The following NUP160 variants were observed in gnomAD, a reference collection of about 807,000 sequenced individuals.
NUP160 encodes the protein nucleoporin 160, also known as nuclear pore complex protein Nup160.
Under a neutral mutation model 196.9 loss-of-function variants are expected in NUP160, and 94 were observed. The ratio of observed to expected loss-of-function variants is 0.48; its 90% CI spans 0.40 to 0.57. The LOEUF is 0.57. Among genes scored for constraint, NUP160 ranks in the 20% least tolerant of loss-of-function variants. NUP160 has a pLI of 0.00. For synonymous variants in NUP160, 605 were observed against 619.7 expected (o/e 0.98, Z 0.35); for missense variants, 1,638 against 1,748.3 (o/e 0.94, Z 1.13).
At chr11:47,786,187 TG>T (rs1255538205) in intron 32 of NUP160, among the ~76,000 whole-genome samples, 2 of 152,152 alleles carry the variant, frequency 1.3e-5, no homozygotes, top group Non-Finnish European at 2.9e-5. Context: ...GATTTTTGCC[TG>T]TAAGAGTACC....
intron 2 of NUP160, chr11:47,841,548 T>C (rs1232918692): frequency 4.7e-6 from 2 of 424,296 alleles, no homozygotes; most frequent in East Asian, 6.2e-5. Context: ...GCTGAAAAAC[T>C]GCAGCAGCAA....
chr11:47,821,612 G>C (rs982642913), intron 9 of NUP160, 112 bp downstream of exon 9: 1 of 733,568 alleles, frequency 1.4e-6, no homozygotes, highest in Admixed American at 2.4e-5. Context: ...TGCCTGCCTC[G>C]GCCTCTCAAA....
At chr11:47,810,862 G>A (rs1485288278) in intron 17 of NUP160, among the ~76,000 whole-genome samples, 1 of 151,952 alleles carries the variant, frequency 6.6e-6, no homozygotes, top group South Asian at 2.1e-4. Context: ...AATACATTCT[G>A]ACTTAAAATG....
chr11:47,804,509 TA>T, intron 21 of NUP160, 39 bp downstream of exon 21: 1 of 1,340,824 alleles, frequency 7.5e-7, no homozygotes, highest in South Asian at 1.4e-5. Flanking sequence ...TCCCATGCTT[TA>T]CAAGAATGTG....
chr11:47,796,841 C>T (rs558416008), intron 27 of NUP160, among the ~76,000 whole-genome samples: 9 of 152,222 alleles, frequency 5.9e-5, no homozygotes, highest in East Asian at 1.9e-4. Flanking sequence ...TACAGGCATC[C>T]GCCACCATGC....
chr11:47,817,325 G>T (rs984351392), intron 11 of NUP160, among the ~76,000 whole-genome samples: 1 of 149,748 alleles, frequency 6.7e-6, no homozygotes, highest in African/African-American at 2.5e-5. Flanking sequence ...CTTATACAAT[G>T]AATTTGAAGC....
At chr11:47,838,015 G>C (rs1055157445) in intron 4 of NUP160, among the ~76,000 whole-genome samples, 64 of 152,174 alleles carry the variant, frequency 4.2e-4, no homozygotes, top group African/African-American at 1.5e-3. Flanking sequence ...ATATTCCTTT[G>C]GGGGAAGGGG....
At chr11:47,830,312 A>G (rs1376605900) in intron 7 of NUP160, among the ~76,000 whole-genome samples, 1 of 152,202 alleles carries the variant, frequency 6.6e-6, no homozygotes, top group Non-Finnish European at 1.5e-5. Flanking sequence ...TGATTCCTCT[A>G]AGAACTAAAA....
chr11:47,826,366 T>G (rs910313381), intron 7 of NUP160, among the ~76,000 whole-genome samples: 1 of 152,200 alleles, frequency 6.6e-6, no homozygotes. Context: ...GTCAAAAAAG[T>G]TATTCTGATT....
At chr11:47,836,121 G>A (rs1852168784) in intron 6 of NUP160, among the ~76,000 whole-genome samples, 1 of 152,160 alleles carries the variant, frequency 6.6e-6, no homozygotes, top group Non-Finnish European at 1.5e-5. Context: ...AGTGGTGCAT[G>A]CCTGTTATCC....
intron 8 of NUP160, 95 bp downstream of exon 8, chr11:47,821,992 C>A (rs1227980584): frequency 2.0e-6 from 2 of 998,542 alleles, no homozygotes; most frequent in Admixed American, 2.2e-5. Flanking sequence ...GAAATAATTC[C>A]ATTTTAAGAC....
chr11:47,847,828 T>C lies in NUP160; in HGVS notation c.314+20A>G, dbSNP rs2135409203. ...CCAAACCCTACCTTCCAGGGGAGTTTGGCGAACCACAACACTTACCAATGA... is the reference window on the plus strand; with the variant it reads ...CCAAACCCTACCTTCCAGGGGAGTTCGGCGAACCACAACACTTACCAATGA... On this transcript the variant is annotated intron_variant, in intron 2 of 35. Transcript: ENST00000378460. 6.4e-7 allele frequency: 1 copy of C among 1,571,050 alleles called. No homozygotes were observed. Among genetic ancestry groups the C allele is most frequent in the Non-Finnish European group, 8.8e-7 (1 of 1,140,570 alleles).
At chr11:47,779,707 T>C (rs370089918) in intron 35 of NUP160, 1 of 417,004 alleles carries the variant, frequency 2.4e-6, no homozygotes, top group South Asian at 1.9e-5. Context: ...AGGACAGTGA[T>C]AATTTATCAC....
chr11:47,831,963 G>A (rs571558172), intron 7 of NUP160, among the ~76,000 whole-genome samples: 416 of 124,980 alleles, frequency 3.3e-3, no homozygotes, highest in Middle Eastern at 0.027. Flanking sequence ...GTGCAGTGGT[G>A]CAATCTCTGC....
Position 47,825,748 on chromosome 11 carries a change from T to C in NUP160, c.1102-3584A>G, listed in dbSNP as rs535740518. ...GATTACAGGCATGAGCCATACAGCC[T>C]AATTTTTGTATTTTTAGTAGAGACA... On this transcript the variant is annotated intron_variant, in intron 7 of 35. Transcript: ENST00000378460. Among the ~76,000 whole-genome samples the C allele has an allele frequency of 5.3e-5, 8 of 152,056 alleles. No homozygotes were observed. In the South Asian group the frequency reaches 1.7e-3, roughly 32 times the overall value.
rs200023690 is a variant in NUP160, at chr11:47,788,249, T to C, written c.3679A>G (p.Thr1227Ala). 5 of 1,613,924 alleles carry C rather than the reference T, an allele frequency of 3.1e-6. No individual in the cohort carries two copies. Among genetic ancestry groups the C allele is most frequent in the Admixed American group, 1.7e-5 (1 of 60,000 alleles). Reference sequence around the variant, plus strand: ...AAAGTCTGACAGAGTGATATGGCAGTGTCAAAGAGGCCCGCCTGAACCAAG... The same window carrying C: ...AAAGTCTGACAGAGTGATATGGCAGCGTCAAAGAGGCCCGCCTGAACCAAG... Residue 1227 changes from threonine to alanine, a missense_variant, in exon 31 of 36, where the codon ACT (threonine) becomes GCT (alanine). Physicochemically the swap from Thr to Ala is moderately conservative, Grantham distance 58. Transcript: ENST00000378460.
chr11:47,843,876 C>G (rs1852352324), intron 2 of NUP160, among the ~76,000 whole-genome samples: 3 of 152,200 alleles, frequency 2.0e-5, no homozygotes, highest in Admixed American at 1.3e-4. Flanking sequence ...CCACTCAACT[C>G]CTGACTACTG....
intron 32 of NUP160, 52 bp downstream of exon 32, chr11:47,786,401 T>C: frequency 9.1e-7 from 1 of 1,100,496 alleles, no homozygotes; most frequent in Non-Finnish European, 1.4e-6. Context: ...AGAAAGACAG[T>C]TACAGCTTTT....
intron 7 of NUP160, among the ~76,000 whole-genome samples, chr11:47,829,444 T>C (rs1188038271): frequency 6.6e-6 from 1 of 152,138 alleles, no homozygotes; most frequent in Non-Finnish European, 1.5e-5. Context: ...TAACTGGGAT[T>C]ACAGGCACGT....
Sources: allele counts gnomAD v4.1 joint callset (sites outside exome capture counted in the v4.1 genomes callset), GRCh38; gene constraint gnomAD v4.1.1; transcripts MANE v1.5; gene names NCBI Gene and HGNC (gene_info 2026-07-23, HGNC 2026-07-21).